The following PNPLA8 variants were observed in gnomAD, a reference collection of about 807,000 sequenced individuals.
PNPLA8 encodes calcium-independent phospholipase A2-gamma.
Under a neutral mutation model 76.9 loss-of-function variants are expected in PNPLA8, and 39 were observed. The ratio of observed to expected loss-of-function variants is 0.51; its 90% CI spans 0.39 to 0.66. The LOEUF (loss-of-function observed/expected upper bound fraction) is 0.66, where lower values mean the gene tolerates loss of function less well. Ranked by LOEUF, PNPLA8 falls within the 30% of genes least tolerant of loss-of-function variation. The pLI is 0.00. For synonymous variants in PNPLA8, 301 were observed against 307.9 expected, an observed-to-expected ratio of 0.98 and a Z score of 0.24; for missense variants, 887 against 918.0, an observed-to-expected ratio of 0.97 and a Z score of 0.44.
At chr7:108,483,724 T>C (rs1860558302) in intron 9 of PNPLA8, among the ~76,000 whole-genome samples, 1 of 152,266 alleles carries the variant, frequency 6.6e-6, no homozygotes, top group Non-Finnish European at 1.5e-5. Context: ...TAGGTATTTA[T>C]ATTTGTATTG....
In PNPLA8 at chr7:108,517,792, C is replaced by T. The variant is rs147260200; in HGVS notation, c.-83-2218G>A. Among the ~76,000 whole-genome samples the T allele has an allele frequency of 2.1e-3, 313 of 152,142 alleles. 2 individuals are homozygous for T. Among genetic ancestry groups the T allele is most frequent in the African/African-American group, 7.1e-3 (294 of 41,478 alleles). ...TCTGTGTGTGTGTGTTTTATAGAGA[C>T]AGGGTCTCACTCTGTCACCCAGGCT... On this transcript the variant is annotated intron_variant, in intron 2 of 10. Transcript: ENST00000257694.
In PNPLA8 at chr7:108,497,581, C is replaced by A; in HGVS notation, c.1359-4G>T. ...GGTCTGGAGAGCAACCACGCCCCTA[C>A]AGAAAAGATTAAAGACAAAATGACA... is the stretch of plus-strand genomic sequence containing the variant. On this transcript the variant is annotated splice_region_variant and splice_polypyrimidine_tract_variant and intron_variant, in intron 5 of 10. Transcript: ENST00000257694. 6.5e-7 allele frequency: 1 copy of A among 1,543,974 alleles called. No homozygotes were observed. Among genetic ancestry groups the A allele is most frequent in the Non-Finnish European group, 8.8e-7 (1 of 1,141,688 alleles).
At chr7:108,509,921 G>T (rs1243596309) in intron 4 of PNPLA8, among the ~76,000 whole-genome samples, 2 of 144,182 alleles carry the variant, frequency 1.4e-5, no homozygotes, top group African/African-American at 5.2e-5. Flanking sequence ...GTAAACTATC[G>T]CAAGAACAAA....
intron 9 of PNPLA8, among the ~76,000 whole-genome samples, chr7:108,487,536 C>T (rs550247310): frequency 2.4e-4 from 36 of 149,924 alleles, no homozygotes; most frequent in African/African-American, 8.9e-4. Context: ...ACGAATCACA[C>T]TATATAAAAC....
chr7:108,482,896 G>A (rs2154514968), intron 9 of PNPLA8, among the ~76,000 whole-genome samples: 1 of 152,114 alleles, frequency 6.6e-6, no homozygotes, highest in South Asian at 2.1e-4. Context: ...TTGGTGCTCT[G>A]GCTTAAAGGT....
At chr7:108,479,030 G>A (rs1860195992) in intron 10 of PNPLA8, among the ~76,000 whole-genome samples, 154 bp downstream of exon 10, 1 of 152,182 alleles carries the variant, frequency 6.6e-6, no homozygotes, top group Non-Finnish European at 1.5e-5. Context: ...AAACAAGTGA[G>A]AAAGGAAAAC....
chr7:108,486,583 G>A (rs1860751508), intron 9 of PNPLA8, among the ~76,000 whole-genome samples: 1 of 151,604 alleles, frequency 6.6e-6, no homozygotes, highest in Non-Finnish European at 1.5e-5. Flanking sequence ...CAAAGACAAA[G>A]GAATCCTATT....
intron 8 of PNPLA8, among the ~76,000 whole-genome samples, 175 bp from the exon 9 acceptor site, chr7:108,488,128 T>C (rs1306340208): frequency 6.6e-6 from 1 of 152,044 alleles, no homozygotes; most frequent in Non-Finnish European, 1.5e-5. Flanking sequence ...TGTGGGATAA[T>C]AGATATAAAG....
rs776000356 is a variant in PNPLA8, at chr7:108,514,736, G to A, written c.756C>T (p.Gly252=). 2 of 1,613,178 alleles carry A rather than the reference G, an allele frequency of 1.2e-6. No individual in the cohort carries two copies. Among genetic ancestry groups the A allele is most frequent in the Non-Finnish European group, 1.7e-6 (2 of 1,179,244 alleles). The change falls in exon 3 of 11, where the codon GGC becomes GGT. Residue 252 remains glycine, a synonymous_variant. Coordinates refer to ENST00000257694, the MANE Select transcript of PNPLA8 (RefSeq NM_001256007.3). ...EEGKLRSPDP[G]ILAYKPGSES... ...CTGAGCCTGGCTTATAAGCCAGGAT[G>A]CCAGGATCTGGAGATCTTAATTTCC...
At chr7:108,481,605 G>C (rs1023332591) in intron 9 of PNPLA8, among the ~76,000 whole-genome samples, 1 of 152,122 alleles carries the variant, frequency 6.6e-6, no homozygotes, top group African/African-American at 2.4e-5. Context: ...ATGTGAATTT[G>C]CAAGTATTTT....
At chr7:108,472,910 TTC>T (rs1254302858) in intron 10 of PNPLA8, among the ~76,000 whole-genome samples, 1 of 152,226 alleles carries the variant, frequency 6.6e-6, no homozygotes, top group Non-Finnish European at 1.5e-5. Flanking sequence ...ACTTCTTCTA[TTC>T]TCTCTGTGCT....
intron 4 of PNPLA8, chr7:108,510,543 T>A: frequency 1.4e-6 from 2 of 1,394,754 alleles, no homozygotes; most frequent in Non-Finnish European, 2.0e-6. Flanking sequence ...AGCCCAAAGG[T>A]CCGAAAGGTG....
Position 108,514,685 on chromosome 7 carries a change from AG to A in PNPLA8, c.806del (p.Pro269LeufsTer33). 1 of 1,614,024 alleles carries A rather than the reference AG, an allele frequency of 6.2e-7. No homozygotes were observed. The highest frequency in any genetic ancestry group is 8.5e-7 in the Non-Finnish European group (1 of 1,179,906). On this transcript the variant is annotated frameshift_variant, in exon 3 of 11. Coordinates refer to ENST00000257694, the MANE Select transcript of PNPLA8 (RefSeq NM_001256007.3). LOFTEE classifies it high-confidence loss of function. ...GSESVHTVDKPTSPSAIPDVL... is the reference protein window; with the variant it reads ...GSESVHTVDKXTSPSAIPDVL... ...CATCAGGTATCGCAGAAGGACTTGT[AG>A]GCTTGTCCACCGTATGTACAGATTC...
intron 5 of PNPLA8, among the ~76,000 whole-genome samples, chr7:108,499,176 T>TCACAAAAAGGAAATAAAATAG: frequency 6.6e-6 from 1 of 152,218 alleles, no homozygotes; most frequent in South Asian, 2.1e-4. Flanking sequence ...GGCACGTATA[T>TCACAAAAAGGAAATAAAATAG]GTTCACACAG....
chr7:108,479,376 C>T lies in PNPLA8; in HGVS notation c.1882G>A (p.Gly628Arg). 6.2e-7 allele frequency: 1 copy of T among 1,602,840 alleles called. No homozygotes were observed. The change falls in exon 10 of 11, where the codon GGA (glycine) becomes AGA (arginine). Residue 628 changes from glycine (G) to arginine (R), a missense_variant. Transcript: ENST00000257694. ...YALGNDLHQD[G>R]GLLLNNPSAL... is the part of the protein sequence containing the mutation. ...GAAGGGTTATTCAGAAGCAAACCTC[C>T]ATCCTGCAAAATACAAGTTAAAAAA...
At chr7:108,501,081 G>A (rs766430838) in intron 5 of PNPLA8, among the ~76,000 whole-genome samples, 2 of 152,172 alleles carry the variant, frequency 1.3e-5, no homozygotes, top group Non-Finnish European at 2.9e-5. Context: ...AAGATACAGG[G>A]TAGTACTTGA....
At chr7:108,507,341 CAA>C (rs66685490) in intron 4 of PNPLA8, among the ~76,000 whole-genome samples, 486 of 45,312 alleles carry the variant, frequency 0.011, no homozygotes, top group Middle Eastern at 0.038. Flanking sequence ...GACTCTGTCT[CAA>C]AAAAAAAAAA....
chr7:108,487,270 T>G (rs1297899936), intron 9 of PNPLA8, among the ~76,000 whole-genome samples: 1 of 152,190 alleles, frequency 6.6e-6, no homozygotes, highest in Non-Finnish European at 1.5e-5. Flanking sequence ...TGGAAATAAC[T>G]CTACCTCGTA....
intron 2 of PNPLA8, among the ~76,000 whole-genome samples, chr7:108,517,063 A>G (rs1863399249): frequency 6.6e-6 from 1 of 152,250 alleles, no homozygotes; most frequent in South Asian, 2.1e-4. Flanking sequence ...AAGCTCGACA[A>G]TAAGAAAACA....
Sources: gnomAD v4.1 joint callset for allele counts (sites outside exome capture counted in the v4.1 genomes callset) on GRCh38, gnomAD v4.1.1 for gene constraint, MANE v1.5 for transcripts, NCBI Gene and HGNC (gene_info 2026-07-23, HGNC 2026-07-21) for gene names.